SHISA9: variants seen among roughly 807,000 people sequenced by gnomAD.
The protein encoded by SHISA9 is shisa family member 9.
A neutral mutation model predicts 38.0 loss-of-function variants in SHISA9; 13 were observed. The ratio of observed to expected loss-of-function variants is 0.34; its 90% confidence interval spans 0.22 to 0.54. The LOEUF is 0.54. SHISA9 is among the 20% of genes least tolerant of loss of function. The pLI is 0.91. For missense variants in SHISA9, 538 were observed against 575.8 expected (o/e 0.93, Z 0.67); for synonymous variants, 275 against 242.0 (o/e 1.14, Z -1.27).
chr16:13,179,681 C>G (rs2050761177), intron 2 of SHISA9, among the ~76,000 whole-genome samples: 1 of 152,188 alleles, frequency 6.6e-6, no homozygotes, highest in African/African-American at 2.4e-5. Flanking sequence ...GGCAAAGGTT[C>G]TCTCCAATTT....
the SHISA9 span, among the ~76,000 whole-genome samples, chr16:13,384,888 G>A: frequency 9.9e-3 from 1,502 of 152,304 alleles, 13 homozygotes; most frequent in Middle Eastern, 0.034. Flanking sequence ...GCAAAGACCA[G>A]CTCCAAACTG....
intron 2 of SHISA9, among the ~76,000 whole-genome samples, chr16:12,995,951 T>G (rs753128933): frequency 6.6e-6 from 1 of 152,188 alleles, no homozygotes; most frequent in Non-Finnish European, 1.5e-5. Context: ...AGTTGTGGTT[T>G]GTGCCCATGT....
chr16:12,997,179 C>T (rs546259983), intron 2 of SHISA9, among the ~76,000 whole-genome samples: 20 of 151,990 alleles, frequency 1.3e-4, no homozygotes, highest in Non-Finnish European at 2.5e-4. Flanking sequence ...TGATTTCTTT[C>T]ACAGTAGTTT....
intron 2 of SHISA9, among the ~76,000 whole-genome samples, chr16:13,142,848 A>T (rs1020587463): frequency 2.0e-5 from 3 of 152,106 alleles, no homozygotes; most frequent in African/African-American, 7.2e-5. Context: ...ATGATTCAGG[A>T]TGCTATAGAG....
chr16:12,914,758 C>T (rs562031234), intron 1 of SHISA9, among the ~76,000 whole-genome samples: 74 of 152,302 alleles, frequency 4.9e-4, no homozygotes, highest in South Asian at 1.2e-3. Flanking sequence ...CCTGTGTGGC[C>T]TTAGCACGGT....
At chr16:13,529,538 C>T in the SHISA9 span, among the ~76,000 whole-genome samples, 1 of 152,224 alleles carries the variant, frequency 6.6e-6, no homozygotes, top group African/African-American at 2.4e-5. Context: ...CTGCTTCCCT[C>T]AAATGTATAA....
At chr16:13,416,761 A>AGGAAG in the SHISA9 span, among the ~76,000 whole-genome samples, 7,892 of 130,762 alleles carry the variant, frequency 0.06, 350 homozygotes, top group Non-Finnish European at 0.084. Flanking sequence ...GAAGGAAGGA[A>AGGAAG]GGAAGGAAGG....
the SHISA9 span, among the ~76,000 whole-genome samples, chr16:13,408,279 A>G: frequency 2.0e-5 from 3 of 152,212 alleles, no homozygotes; most frequent in Non-Finnish European, 4.4e-5. Flanking sequence ...ATAAAAGTTG[A>G]TATAAAAATG....
rs953568167 is a variant in SHISA9, at chr16:13,130,010, T to G, written c.692-73384T>G. The stretch of plus-strand genomic sequence containing the variant: ...TCGCCATTAGTAGCAGTCATTGTAA[T>G]GCTACCACTTAAGTTGAATGACCCT... On this transcript the variant is annotated intron_variant, in intron 2 of 4. Transcript: ENST00000558583. Among the ~76,000 whole-genome samples the G allele has an allele frequency of 1.1e-4, 17 of 152,194 alleles. 1 individual carries two copies. The highest frequency in any genetic ancestry group is 9.8e-4 in the Admixed American group (15 of 15,272).
chr16:13,103,422 T>C (rs1447478019), intron 2 of SHISA9, among the ~76,000 whole-genome samples: 1 of 152,158 alleles, frequency 6.6e-6, no homozygotes, highest in Non-Finnish European at 1.5e-5. Context: ...GGTCACAGAG[T>C]GTCCTTAATG....
chr16:12,986,864 G>A (rs1251094747), intron 2 of SHISA9, among the ~76,000 whole-genome samples: 6 of 152,224 alleles, frequency 3.9e-5, no homozygotes, highest in African/African-American at 1.4e-4. Flanking sequence ...CATGTGGTTT[G>A]CAAGATCTGG....
intron 2 of SHISA9, among the ~76,000 whole-genome samples, chr16:13,061,607 T>C (rs1232539157): frequency 1.3e-5 from 2 of 152,184 alleles, no homozygotes; most frequent in African/African-American, 4.8e-5. Flanking sequence ...ACCTAGTATA[T>C]GCAGGGTACT....
At chr16:13,214,017 C>G (rs1371450296) in intron 4 of SHISA9, among the ~76,000 whole-genome samples, 1 of 152,156 alleles carries the variant, frequency 6.6e-6, no homozygotes, top group Non-Finnish European at 1.5e-5. Flanking sequence ...AGTCATGTGA[C>G]TATTCAGTGG....
the SHISA9 span, among the ~76,000 whole-genome samples, chr16:13,427,654 A>G: frequency 6.6e-6 from 1 of 152,176 alleles, no homozygotes; most frequent in Non-Finnish European, 1.5e-5. Context: ...TGGGACATGA[A>G]TGACAGTGTG....
chr16:13,162,252 G>A (rs1469607119), intron 2 of SHISA9, among the ~76,000 whole-genome samples: 1 of 152,146 alleles, frequency 6.6e-6, no homozygotes, highest in African/African-American at 2.4e-5. Context: ...GAACTAGTTG[G>A]TGTAGAAGAA....
downstream of SHISA9, among the ~76,000 whole-genome samples, chr16:13,241,098 G>A (rs143974720): frequency 0.015 from 2,279 of 152,294 alleles, 21 homozygotes; most frequent in Non-Finnish European, 0.02. Flanking sequence ...CAAGTAACGT[G>A]AGCTTGGGTG....
the SHISA9 span, among the ~76,000 whole-genome samples, chr16:13,560,875 T>G: frequency 0.014 from 2,124 of 152,286 alleles, 52 homozygotes; most frequent in African/African-American, 0.048. Context: ...TGTTTTGTTT[T>G]GTTTTTGAGA....
chr16:13,151,645 A>G (rs562635862), intron 2 of SHISA9, among the ~76,000 whole-genome samples: 1 of 152,300 alleles, frequency 6.6e-6, no homozygotes, highest in South Asian at 2.1e-4. Flanking sequence ...TAATTTACAA[A>G]CTCTTTACAA....
At chr16:13,398,965 A>G in the SHISA9 span, among the ~76,000 whole-genome samples, 2,766 of 152,312 alleles carry the variant, frequency 0.018, 31 homozygotes, top group Middle Eastern at 0.054. Flanking sequence ...ATTAGAACCT[A>G]GAAATACAGA....
Sources: gnomAD v4.1 joint callset for allele counts (sites outside exome capture counted in the v4.1 genomes callset) on GRCh38, gnomAD v4.1.1 for gene constraint, MANE v1.5 for transcripts, NCBI Gene and HGNC (gene_info 2026-07-23, HGNC 2026-07-21) for gene names.